Variants in SMG7 observed in about 807,000 individuals in gnomAD.
The protein encoded by SMG7 is nonsense-mediated mRNA decay factor SMG7.
Under a neutral mutation model 148.2 loss-of-function variants are expected in SMG7, and 34 were observed. The ratio of observed to expected loss-of-function variants is 0.23; its 90% CI spans 0.17 to 0.31. The LOEUF (loss-of-function observed/expected upper bound fraction) is 0.31. SMG7 is among the 10% of genes least tolerant of loss of function. The probability of loss-of-function intolerance (pLI) is 1.00; values close to 1 mark genes in which losing one functional copy is unlikely to be tolerated. For synonymous variants in SMG7, 492 were observed against 515.1 expected, an observed-to-expected ratio of 0.96 and a Z score of 0.61; for missense variants, 1,114 against 1,408.4, an observed-to-expected ratio of 0.79 and a Z score of 3.35.
intron 8 of SMG7, among the ~76,000 whole-genome samples, chr1:183,530,708 T>C (rs1485172648): frequency 1.3e-5 from 2 of 152,166 alleles, no homozygotes; most frequent in African/African-American, 4.8e-5. Context: ...TGGGATGTTG[T>C]GGATTCTCCA....
At chr1:183,486,455 A>G (rs1655438701) in intron 1 of SMG7, among the ~76,000 whole-genome samples, 1 of 152,122 alleles carries the variant, frequency 6.6e-6, no homozygotes, top group Non-Finnish European at 1.5e-5. Context: ...TTGTTGCCCA[A>G]ACTGGAGTGC....
chr1:183,549,096 A>T, intron 18 of SMG7, 112 bp from the exon 19 acceptor site: 1 of 731,854 alleles, frequency 1.4e-6, no homozygotes, highest in Non-Finnish European at 2.3e-6. Context: ...CTCAAATTGT[A>T]CTCAGTGGGC....
chr1:183,505,562 C>G (rs1024453509), intron 1 of SMG7, among the ~76,000 whole-genome samples: 9 of 152,184 alleles, frequency 5.9e-5, no homozygotes, highest in Non-Finnish European at 1.3e-4. Context: ...CTGATCACGT[C>G]AGTGCTGTAT....
At position 183,553,245 on chromosome 1, in the gene SMG7, G is replaced by A; in HGVS notation, c.*1314G>A. The A allele has an allele frequency of 6.7e-7, 1 of 1,492,268 alleles. No individual in the cohort carries two copies. 92.4% of individuals were successfully genotyped at this position (1,492,268 alleles called of 1,614,324 possible). ...ATTAGGAGGAAAGAGGACTGAAAAT[G>A]TTCTTGTGTAGAAACAGAAGGACAG... On this transcript the variant is annotated 3_prime_UTR_variant, in exon 23 of 23. Coordinates refer to ENST00000688051, the MANE Select transcript of SMG7 (RefSeq NM_001375584.1).
chr1:183,492,304 T>C (rs912425299), intron 1 of SMG7, among the ~76,000 whole-genome samples: 1 of 152,242 alleles, frequency 6.6e-6, no homozygotes, highest in Non-Finnish European at 1.5e-5. Flanking sequence ...TAAATTACTT[T>C]GATACCTTTG....
Position 183,500,418 on chromosome 1 carries a change from T to C in SMG7, c.30-12419T>C, listed in dbSNP as rs1461885624. ...TTCAGATTGTTTTTGGTGAAGACTT[T>C]TAAAACTATTGTCAGGTTTTAGAAA... On this transcript the variant is annotated intron_variant, in intron 1 of 22. Transcript: ENST00000688051. Among the ~76,000 whole-genome samples, 5 of 152,196 alleles carry C rather than the reference T, an allele frequency of 3.3e-5. No individual in the cohort carries two copies. In the South Asian group the frequency reaches 1.0e-3, roughly 31 times the overall value.
chr1:183,537,953 A>C (rs1668097785), intron 11 of SMG7, among the ~76,000 whole-genome samples: 2 of 152,180 alleles, frequency 1.3e-5, no homozygotes, highest in Admixed American at 6.5e-5. Flanking sequence ...AAATCACCTG[A>C]ATCTTTTTAA....
At position 183,517,590 on chromosome 1, in the gene SMG7, GTATAAT is replaced by G. The variant is rs745752368; in HGVS notation, c.180-92_180-87del. 4.5e-6 allele frequency: 5 copies of G among 1,099,808 alleles called. No individual in the cohort carries two copies. In the East Asian group the frequency reaches 1.2e-4, roughly 26 times the overall value. 68.1% of individuals were successfully genotyped at this position (1,099,808 alleles called of 1,614,324 possible). ...TAATGCAGGTTTACTGTCTCGTGTG[GTATAAT>G]TATAACAGACAGTTCTTTCTTGTTC... On this transcript the variant is annotated intron_variant, in intron 3 of 22. Transcript: ENST00000688051.
chr1:183,510,891 T>C (rs533611534), intron 1 of SMG7, among the ~76,000 whole-genome samples: 35 of 152,160 alleles, frequency 2.3e-4, no homozygotes, highest in Non-Finnish European at 3.8e-4. Flanking sequence ...CTTGGGAGGC[T>C]GAGGCAGGAG....
chr1:183,543,995 A>G (rs938771221), intron 14 of SMG7, among the ~76,000 whole-genome samples: 2 of 152,206 alleles, frequency 1.3e-5, no homozygotes, highest in Non-Finnish European at 1.5e-5. Context: ...ATTAGAGTAT[A>G]GAGAACCCTG....
At chr1:183,483,984 C>G (rs1557948176) in intron 1 of SMG7, among the ~76,000 whole-genome samples, 1 of 152,140 alleles carries the variant, frequency 6.6e-6, no homozygotes, top group Non-Finnish European at 1.5e-5. Context: ...TTAAGACTGG[C>G]TTAATTTGTA....
rs369324813 is a variant in SMG7 at position 183,521,327 on chromosome 1, G to C, written c.312+3507G>C. Among the ~76,000 whole-genome samples, 35 of 152,222 alleles carry C rather than the reference G, an allele frequency of 2.3e-4. No homozygotes were observed. In the East Asian group the frequency reaches 4.3e-3, roughly 19 times the overall value. On this transcript the variant is annotated intron_variant, in intron 4 of 22. Transcript: ENST00000688051. ...TTGGCCAGGCTGGTCTCAAACTTCT[G>C]ACCTCAGGTGATCCACCCACCTCTG...
rs568702742 is a variant in SMG7, at chr1:183,549,034, G to A, written c.2893-174G>A. On this transcript the variant is annotated intron_variant, in intron 18 of 22. Transcript: ENST00000688051. ...GGATTCTATGCACCTGTGGCAACTG[G>A]CACTTAGGCGGTGTCTTGGTGTTAA... 6.7e-6 allele frequency: 4 copies of A among 594,470 alleles called. No homozygotes were observed. In the East Asian group the frequency reaches 1.1e-4, roughly 17 times the overall value. 36.8% of individuals were successfully genotyped at this position (594,470 alleles called of 1,614,324 possible). A position where few individuals can be genotyped will look rare whatever the true frequency, so the allele number is the denominator to read the frequency against.
intron 2 of SMG7, 179 bp downstream of exon 2, chr1:183,513,047 A>C (rs1042722351): frequency 8.9e-6 from 5 of 559,494 alleles, no homozygotes; most frequent in African/African-American, 2.0e-5. Flanking sequence ...TGCTTAAATA[A>C]CTGTTGGGAA....
chr1:183,544,241 A>T, intron 14 of SMG7, 112 bp from the exon 15 acceptor site: 2 of 731,132 alleles, frequency 2.7e-6, no homozygotes, highest in South Asian at 4.6e-5. Flanking sequence ...TATCTTCAGC[A>T]TGTACTTTTT....
At position 183,489,291 on chromosome 1, in the gene SMG7, C is replaced by T. The variant is rs554712551; in HGVS notation, c.29+16642C>T. Among the ~76,000 whole-genome samples, 108 of 152,214 alleles carry T rather than the reference C, an allele frequency of 7.1e-4. 1 individual carries two copies. Among genetic ancestry groups the T allele is most frequent in the South Asian group, 4.1e-4 (2 of 4,824 alleles). On this transcript the variant is annotated intron_variant, in intron 1 of 22. Transcript: ENST00000688051. ...TCTGCCCAGGTCTGGTCCTCATTCT[C>T]GGGTTCTTGTCAGATCTTTCTGCTT...
Position 183,527,507 on chromosome 1 carries a change from A to G in SMG7, c.485-449A>G. The stretch of plus-strand genomic sequence containing the variant: ...TGCTTTAAATATAATCTTTGCACAC[A>G]CATATTTAATATTGCAATAGGAATG... On this transcript the variant is annotated intron_variant, in intron 5 of 22. Coordinates refer to ENST00000688051, the MANE Select transcript of SMG7 (RefSeq NM_001375584.1). This position sits in a 1 kb window ranked among gnomAD's most constrained non-coding sequence, Gnocchi z 4.0. The G allele has an allele frequency of 2.4e-6, 1 of 416,814 alleles. No homozygotes were observed. Among genetic ancestry groups the G allele is most frequent in the Non-Finnish European group, 5.0e-6 (1 of 200,578 alleles). 25.8% of individuals were successfully genotyped at this position (416,814 alleles called of 1,614,324 possible).
intron 14 of SMG7, among the ~76,000 whole-genome samples, chr1:183,542,927 ATG>A (rs3979479): frequency 0.14 from 11,824 of 84,782 alleles, 539 homozygotes; most frequent in Middle Eastern, 0.22. Flanking sequence ...ATATATATAT[ATG>A]TGTGTGTGTG....
At chr1:183,477,793 CAT>C (rs1185860044) in intron 1 of SMG7, among the ~76,000 whole-genome samples, 2 of 151,500 alleles carry the variant, frequency 1.3e-5, no homozygotes, top group Non-Finnish European at 2.9e-5. Flanking sequence ...TGTATGTATA[CAT>C]ATATGTATAT....
Sources: gnomAD v4.1 joint callset for allele counts (sites outside exome capture counted in the v4.1 genomes callset) on GRCh38, gnomAD v4.1.1 for gene constraint, Gnocchi (gnomAD v3.1) non-coding constraint, MANE v1.5 for transcripts, NCBI Gene and HGNC (gene_info 2026-07-23, HGNC 2026-07-21) for gene names.